Variants in DCC observed in about 807,000 individuals in gnomAD.
DCC encodes the protein DCC netrin 1 receptor.
In DCC, 58 loss-of-function variants were observed where a neutral mutation model predicts 172.5. The ratio of observed to expected loss-of-function variants is 0.34; its 90% CI spans 0.27 to 0.42. DCC has a LOEUF of 0.42. DCC is among the 10% of genes least tolerant of loss of function. The pLI, the probability that DCC is intolerant of heterozygous loss-of-function variation, is 1.00. For synonymous variants in DCC, 709 were observed against 644.5 expected (o/e 1.10, Z -1.52); for missense variants, 1,740 against 1,791.0 (o/e 0.97, Z 0.51).
intron 2 of DCC, among the ~76,000 whole-genome samples, chr18:52,857,098 C>G (rs2145353480): frequency 6.8e-6 from 1 of 147,000 alleles, no homozygotes; most frequent in African/African-American, 2.4e-5. Context: ...ATGTGGTTTA[C>G]TTTTCCATTT....
intron 7 of DCC, among the ~76,000 whole-genome samples, chr18:53,070,086 T>G (rs2042632628): frequency 6.6e-6 from 1 of 152,046 alleles, no homozygotes; most frequent in Admixed American, 6.6e-5. Context: ...TTCAAGTGAT[T>G]CTCCTGTCTC....
chr18:52,821,318 G>T (rs185102553), intron 2 of DCC, among the ~76,000 whole-genome samples: 1 of 152,148 alleles, frequency 6.6e-6, no homozygotes, highest in East Asian at 1.9e-4. Flanking sequence ...CAACCGAGGT[G>T]TATTCCTCTC....
chr18:52,432,284 G>A (rs1415711961), intron 1 of DCC, among the ~76,000 whole-genome samples: 2 of 152,142 alleles, frequency 1.3e-5, no homozygotes, highest in Non-Finnish European at 1.5e-5. Flanking sequence ...TACTGAAACT[G>A]GAGGTTTTTC....
intron 12 of DCC, among the ~76,000 whole-genome samples, chr18:53,273,204 G>A (rs2056767408): frequency 6.6e-6 from 1 of 152,174 alleles, no homozygotes; most frequent in East Asian, 1.9e-4. Context: ...CTCCCATGGA[G>A]CCTGAAGTAT....
intron 5 of DCC, among the ~76,000 whole-genome samples, chr18:52,998,225 T>G (rs957076882): frequency 6.6e-6 from 1 of 152,096 alleles, no homozygotes; most frequent in Non-Finnish European, 1.5e-5. Flanking sequence ...CTGTGGAAAG[T>G]TCTATTAGCA....
chr18:53,249,525 A>G (rs1011016524), intron 12 of DCC, among the ~76,000 whole-genome samples: 2 of 151,928 alleles, frequency 1.3e-5, no homozygotes, highest in African/African-American at 4.8e-5. Context: ...AAATTGATGA[A>G]GATAAAGTAG....
intron 1 of DCC, among the ~76,000 whole-genome samples, chr18:52,695,303 G>A (rs916859816): frequency 9.9e-5 from 15 of 152,106 alleles, no homozygotes; most frequent in African/African-American, 3.4e-4. Flanking sequence ...ACAATTCCAA[G>A]ACTGCAATCT....
At chr18:53,509,210 G>A (rs892166972) in intron 27 of DCC, among the ~76,000 whole-genome samples, 2 of 152,208 alleles carry the variant, frequency 1.3e-5, no homozygotes, top group African/African-American at 4.8e-5. Flanking sequence ...GCTATTGAAA[G>A]TGAGAAAAAG....
At chr18:52,521,337 C>T (rs1219617451) in intron 1 of DCC, among the ~76,000 whole-genome samples, 1 of 152,128 alleles carries the variant, frequency 6.6e-6, no homozygotes, top group East Asian at 1.9e-4. Context: ...AATTTTAAGG[C>T]TGTTTTAGTC....
intron 1 of DCC, among the ~76,000 whole-genome samples, chr18:52,404,824 G>A (rs1470943712): frequency 1.0e-5 from 1 of 98,030 alleles, no homozygotes; most frequent in Non-Finnish European, 1.9e-5. Context: ...CCCCCCACCC[G>A]ACAACAGTCC....
chr18:52,547,741 T>G (rs999007137), intron 1 of DCC, among the ~76,000 whole-genome samples: 1 of 152,070 alleles, frequency 6.6e-6, no homozygotes, highest in Non-Finnish European at 1.5e-5. Flanking sequence ...AGGAACAGCA[T>G]GAGCAAAGGA....
chr18:52,581,477 T>A (rs2033549330), intron 1 of DCC, among the ~76,000 whole-genome samples: 1 of 152,204 alleles, frequency 6.6e-6, no homozygotes, highest in Non-Finnish European at 1.5e-5. Flanking sequence ...TAGATGTAGT[T>A]GGAGCTCAAT....
At chr18:52,474,682 G>T (rs1989044903) in intron 1 of DCC, among the ~76,000 whole-genome samples, 1 of 152,166 alleles carries the variant, frequency 6.6e-6, no homozygotes. Context: ...TGAGGAAACA[G>T]AGGTCTAGAA....
chr18:52,422,938 A>G (rs926490436), intron 1 of DCC, among the ~76,000 whole-genome samples: 20 of 152,168 alleles, frequency 1.3e-4, no homozygotes, highest in African/African-American at 4.8e-4. Flanking sequence ...AGGTGGTGGC[A>G]GGACCTTCAA....
chr18:53,468,694 T>C (rs2045658110), intron 25 of DCC, among the ~76,000 whole-genome samples: 1 of 152,140 alleles, frequency 6.6e-6, no homozygotes, highest in Non-Finnish European at 1.5e-5. Flanking sequence ...CCATAGCTTT[T>C]TAAATAAACT....
intron 7 of DCC, among the ~76,000 whole-genome samples, chr18:53,074,549 A>G (rs1012144867): frequency 1.3e-5 from 2 of 152,212 alleles, no homozygotes; most frequent in African/African-American, 2.4e-5. Flanking sequence ...CTGATGGTAC[A>G]TTTATTCAAT....
chr18:53,294,728 T>C (rs1286535185), intron 12 of DCC, among the ~76,000 whole-genome samples: 1 of 152,138 alleles, frequency 6.6e-6, no homozygotes, highest in Non-Finnish European at 1.5e-5. Flanking sequence ...TCAAAGTAGA[T>C]GATTTGATTT....
chr18:53,014,501 CATT>C (rs2041779362), intron 5 of DCC, among the ~76,000 whole-genome samples: 1 of 134,578 alleles, frequency 7.4e-6, no homozygotes, highest in African/African-American at 2.8e-5. Context: ...CATGTGTTCT[CATT>C]GTTCAATTCC....
At chr18:52,697,489 C>T (rs1599027067) in intron 1 of DCC, among the ~76,000 whole-genome samples, 1 of 152,074 alleles carries the variant, frequency 6.6e-6, no homozygotes, top group Admixed American at 6.6e-5. Context: ...TATGTGAGAA[C>T]ATCATAATAA....
Sources: allele counts gnomAD v4.1 joint callset (sites outside exome capture counted in the v4.1 genomes callset), GRCh38; gene constraint gnomAD v4.1.1; transcripts MANE v1.5; gene names NCBI Gene and HGNC (gene_info 2026-07-23, HGNC 2026-07-21).